The following KIF6 variants were observed in gnomAD, a reference collection of about 807,000 sequenced individuals.
The protein encoded by KIF6 is kinesin-like protein KIF6.
In KIF6, 106 loss-of-function variants were observed where a neutral mutation model predicts 112.7. That is an observed-to-expected ratio of 0.94 (90% confidence interval 0.80 to 1.11). The LOEUF (loss-of-function observed/expected upper bound fraction) is 1.11, where lower values mean the gene tolerates loss of function less well. Ranked by LOEUF, KIF6 falls within the 50% of genes least tolerant of loss-of-function variation. The probability of loss-of-function intolerance (pLI) is 0.00; values close to 1 mark genes in which losing one functional copy is unlikely to be tolerated. For synonymous variants in KIF6, 339 were observed against 339.9 expected (o/e 1.00, Z 0.03); for missense variants, 929 against 964.0 (o/e 0.96, Z 0.48).
At chr6:39,360,306 G>T in intron 18 of KIF6, 89 bp downstream of exon 18, 1 of 1,480,852 alleles carries the variant, frequency 6.8e-7, no homozygotes, top group Non-Finnish European at 9.2e-7. Context: ...GGGCCTGTGG[G>T]TCAAAGCCCC....
intron 19 of KIF6, among the ~76,000 whole-genome samples, chr6:39,356,691 C>T (rs936468897): frequency 3.5e-4 from 54 of 152,192 alleles, no homozygotes; most frequent in African/African-American, 1.3e-3. Context: ...TGGCCTCTGG[C>T]ATCAGATGGA....
rs556094197 is a variant in KIF6 at position 39,615,806 on chromosome 6, G to A, written c.510-2488C>T. 2.6e-5 allele frequency among the ~76,000 whole-genome samples: 4 copies of A among 152,034 alleles called. No individual in the cohort carries two copies. The East Asian group carries it at 5.8e-4, about 22-fold the overall frequency. Reference sequence around the variant, plus strand: ...ACTGATGAGTCATATCTACTAATAGGCAAGGTCACTGAAAATTTTAAAAAG... The same window carrying A: ...ACTGATGAGTCATATCTACTAATAGACAAGGTCACTGAAAATTTTAAAAAG... On this transcript the variant is annotated intron_variant, in intron 5 of 22. Transcript: ENST00000287152.
intron 1 of KIF6, among the ~76,000 whole-genome samples, chr6:39,723,873 C>T (rs977984741): frequency 6.6e-6 from 1 of 152,078 alleles, no homozygotes; most frequent in Non-Finnish European, 1.5e-5. Context: ...TGCACATGCA[C>T]CCCAGGACTT....
chr6:39,642,420 TGTGAAATCCA>T (rs761391038), intron 3 of KIF6, among the ~76,000 whole-genome samples: 1 of 152,100 alleles, frequency 6.6e-6, no homozygotes, highest in South Asian at 2.1e-4. Context: ...ACATTGGAGC[TGTGAAATCCA>T]GCAGCCTAGC....
chr6:39,343,418 G>C lies in KIF6; in HGVS notation c.2428+291C>G. 1 of 1,379,402 alleles carries C rather than the reference G, an allele frequency of 7.2e-7. No individual in the cohort carries two copies. The highest frequency in any genetic ancestry group is 9.5e-7 in the Non-Finnish European group (1 of 1,047,280). 85.4% of individuals were successfully genotyped at this position (1,379,402 alleles called of 1,614,324 possible). A position where few individuals can be genotyped will look rare whatever the true frequency, so the allele number is the denominator to read the frequency against. ...GGAGACAGCTGACTTTGGGAACAGA[G>C]AACAAAGGAGCTGAAGATCTGGAAG... On this transcript the variant is annotated intron_variant, in intron 22 of 22. Coordinates refer to ENST00000287152, the MANE Select transcript of KIF6 (RefSeq NM_145027.6). The surrounding 1 kb of genome is among the most constrained non-coding windows in gnomAD (Gnocchi z 4.1).
rs1167995975 is a variant in KIF6 at position 39,343,544 on chromosome 6, C to T, written c.2428+165G>A. 44 of 1,381,906 alleles carry T rather than the reference C, an allele frequency of 3.2e-5. No individual in the cohort carries two copies. The highest frequency in any genetic ancestry group is 5.1e-5 in the East Asian group (2 of 39,472). 85.6% of individuals were successfully genotyped at this position (1,381,906 alleles called of 1,614,324 possible). On this transcript the variant is annotated intron_variant, in intron 22 of 22. Coordinates refer to ENST00000287152, the MANE Select transcript of KIF6 (RefSeq NM_145027.6). This position sits in a 1 kb window ranked among gnomAD's most constrained non-coding sequence, Gnocchi z 4.1. The stretch of plus-strand genomic sequence containing the variant: ...CTGATGCTGCCCCTTGAGGCTTTCT[C>T]GAGAAGGAATCAGAGGCTGGGCACA...
intron 19 of KIF6, among the ~76,000 whole-genome samples, 153 bp from the exon 20 acceptor site, chr6:39,346,679 C>T (rs564889601): frequency 1.3e-4 from 20 of 152,168 alleles, no homozygotes; most frequent in Admixed American, 2.6e-4. Context: ...TGGAGTTTCA[C>T]TCTTGTTGCC....
intron 6 of KIF6, among the ~76,000 whole-genome samples, chr6:39,605,875 C>T (rs1015665858): frequency 3.9e-5 from 6 of 152,114 alleles, no homozygotes; most frequent in Non-Finnish European, 7.4e-5. Context: ...TGGAATTGAG[C>T]TCTTCCAATT....
intron 3 of KIF6, among the ~76,000 whole-genome samples, chr6:39,679,752 A>G (rs572995017): frequency 6.7e-6 from 1 of 150,368 alleles, no homozygotes; most frequent in South Asian, 2.1e-4. Flanking sequence ...AGTAGCTGGG[A>G]CTACAGGTGC....
intron 5 of KIF6, 101 bp from the exon 6 acceptor site, chr6:39,613,419 G>T: frequency 1.2e-6 from 1 of 838,682 alleles, no homozygotes; most frequent in Non-Finnish European, 1.7e-6. Context: ...ATGACGTCTT[G>T]AACTTATAAA....
chr6:39,478,270 C>T (rs187721518), intron 13 of KIF6, among the ~76,000 whole-genome samples: 2 of 152,308 alleles, frequency 1.3e-5, no homozygotes, highest in Non-Finnish European at 2.9e-5. Context: ...GCTTAGCTCC[C>T]ACTTATGAGT....
intron 9 of KIF6, among the ~76,000 whole-genome samples, chr6:39,583,781 AT>A (rs1781442267): frequency 6.7e-6 from 1 of 149,480 alleles, no homozygotes; most frequent in South Asian, 2.1e-4. Flanking sequence ...GATTTGAAAA[AT>A]GATGCAATCT....
At chr6:39,510,246 C>G (rs1432151765) in intron 13 of KIF6, among the ~76,000 whole-genome samples, 2 of 152,090 alleles carry the variant, frequency 1.3e-5, no homozygotes, top group South Asian at 4.2e-4. Context: ...GCACCTGCCA[C>G]CACGCCTGGC....
At chr6:39,687,617 G>A (rs1209334893) in intron 3 of KIF6, among the ~76,000 whole-genome samples, 1 of 152,162 alleles carries the variant, frequency 6.6e-6, no homozygotes, top group East Asian at 1.9e-4. Flanking sequence ...AACCTTATCT[G>A]TCATCAGCAT....
At chr6:39,484,701 A>G (rs1168677957) in intron 13 of KIF6, among the ~76,000 whole-genome samples, 1 of 152,206 alleles carries the variant, frequency 6.6e-6, no homozygotes, top group African/African-American at 2.4e-5. Flanking sequence ...AATTACTGAG[A>G]GCCACCTGGA....
At chr6:39,430,909 T>C (rs1015031069) in intron 14 of KIF6, 144 bp downstream of exon 14, 4 of 570,262 alleles carry the variant, frequency 7.0e-6, no homozygotes, top group Non-Finnish European at 1.3e-5. Flanking sequence ...AGGCTGGACA[T>C]AATTAAATGT....
At chr6:39,340,397 C>T (rs953566509) in intron 22 of KIF6, among the ~76,000 whole-genome samples, 7 of 152,186 alleles carry the variant, frequency 4.6e-5, no homozygotes, top group Non-Finnish European at 7.3e-5. Context: ...GAACTCCTGA[C>T]AGCAGAGTGG....
At chr6:39,382,588 C>T (rs1413440142) in intron 16 of KIF6, among the ~76,000 whole-genome samples, 1 of 152,028 alleles carries the variant, frequency 6.6e-6, no homozygotes, top group Non-Finnish European at 1.5e-5. Context: ...AGATTGATTC[C>T]ATGTCTTTGC....
At chr6:39,724,867 T>C (rs1790445035) in intron 1 of KIF6, among the ~76,000 whole-genome samples, 3 of 152,226 alleles carry the variant, frequency 2.0e-5, no homozygotes, top group South Asian at 2.1e-4. Context: ...TGTATCTGCA[T>C]GTGCGGTGCT....
Sources: gnomAD v4.1 joint callset for allele counts (sites outside exome capture counted in the v4.1 genomes callset) on GRCh38, gnomAD v4.1.1 for gene constraint, Gnocchi (gnomAD v3.1) non-coding constraint, MANE v1.5 for transcripts, NCBI Gene and HGNC (gene_info 2026-07-23, HGNC 2026-07-21) for gene names.